PCDH15: variants seen among roughly 807,000 people sequenced by gnomAD.
PCDH15 encodes the protein protocadherin-15.
Under a neutral mutation model 178.5 loss-of-function variants are expected in PCDH15, and 129 were observed. The observed-to-expected ratio is 0.72, with a 90% CI of 0.63 to 0.84. The LOEUF is 0.84. Ranked by LOEUF, PCDH15 falls within the 40% of genes least tolerant of loss-of-function variation. The pLI is 0.00. For missense variants in PCDH15, 2,230 were observed against 2,099.9 expected (o/e 1.06, Z -1.21); for synonymous variants, 800 against 732.0 (o/e 1.09, Z -1.50).
chr10:54,929,470 G>T (rs1837713557), intron 2 of PCDH15, among the ~76,000 whole-genome samples: 2 of 152,104 alleles, frequency 1.3e-5, no homozygotes, highest in African/African-American at 2.4e-5. Context: ...GAGAGATTTT[G>T]GTATAGACAT....
intron 2 of PCDH15, among the ~76,000 whole-genome samples, chr10:54,937,102 C>T (rs903797778): frequency 1.3e-5 from 2 of 151,896 alleles, no homozygotes; most frequent in Non-Finnish European, 2.9e-5. Flanking sequence ...GAAAGATTTA[C>T]CCCATTGAAA....
intron 21 of PCDH15, among the ~76,000 whole-genome samples, chr10:53,985,683 C>T (rs1052006850): frequency 5.3e-5 from 8 of 152,062 alleles, no homozygotes; most frequent in African/African-American, 1.9e-4. Flanking sequence ...GGTCATGTTT[C>T]AGAGGCATAG....
chr10:54,770,333 A>T (rs1948956247), intron 1 of PCDH15, among the ~76,000 whole-genome samples: 1 of 152,132 alleles, frequency 6.6e-6, no homozygotes, highest in Non-Finnish European at 1.5e-5. Context: ...ATCAGATTAG[A>T]TTCAGAGCTC....
chr10:55,585,972 G>A (rs1296358318), intron 2 of PCDH15, among the ~76,000 whole-genome samples: 1 of 152,016 alleles, frequency 6.6e-6, no homozygotes, highest in Admixed American at 6.6e-5. Context: ...TGGTCTAAAT[G>A]TAAAAGACTC....
At chr10:54,357,746 C>T (rs928549322) in intron 5 of PCDH15, among the ~76,000 whole-genome samples, 1 of 152,152 alleles carries the variant, frequency 6.6e-6, no homozygotes, top group African/African-American at 2.4e-5. Context: ...AGGCATCACG[C>T]TACCTGACTT....
intron 16 of PCDH15, among the ~76,000 whole-genome samples, chr10:54,079,849 T>C (rs1246229290): frequency 2.0e-5 from 3 of 152,206 alleles, no homozygotes; most frequent in Non-Finnish European, 4.4e-5. Context: ...ATGTCCATTA[T>C]GAAAATGCAA....
chr10:55,025,093 G>C (rs555078642), intron 2 of PCDH15, among the ~76,000 whole-genome samples: 2 of 152,174 alleles, frequency 1.3e-5, no homozygotes, highest in South Asian at 4.1e-4. Flanking sequence ...ACCTTTTAAT[G>C]TCTCTTTTCA....
At chr10:54,788,432 A>G (rs1212870067) in intron 1 of PCDH15, among the ~76,000 whole-genome samples, 2 of 151,950 alleles carry the variant, frequency 1.3e-5, no homozygotes, top group Non-Finnish European at 2.9e-5. Context: ...TGGAGATGTC[A>G]GAGATACAAT....
At chr10:55,100,408 C>G (rs186261661) in intron 2 of PCDH15, among the ~76,000 whole-genome samples, 1 of 152,238 alleles carries the variant, frequency 6.6e-6, no homozygotes, top group East Asian at 1.9e-4. Flanking sequence ...ACTCTTGAAT[C>G]CACAGTGTCT....
At chr10:55,464,170 T>A (rs935123523) in intron 2 of PCDH15, among the ~76,000 whole-genome samples, 1 of 152,138 alleles carries the variant, frequency 6.6e-6, no homozygotes, top group African/African-American at 2.4e-5. Flanking sequence ...TAATCATCAT[T>A]GTTGCAATAT....
chr10:54,138,039 C>T (rs746319900), intron 14 of PCDH15, among the ~76,000 whole-genome samples: 2 of 152,156 alleles, frequency 1.3e-5, no homozygotes, highest in Non-Finnish European at 2.9e-5. Context: ...TGAAATTTGA[C>T]ATCTGCACCC....
chr10:55,545,121 C>T (rs1045962025), intron 2 of PCDH15, among the ~76,000 whole-genome samples: 2 of 152,190 alleles, frequency 1.3e-5, no homozygotes, highest in South Asian at 4.1e-4. Flanking sequence ...TCCAAGGAAT[C>T]AAATGAATCA....
chr10:54,914,011 T>C (rs1162795203), intron 2 of PCDH15, among the ~76,000 whole-genome samples: 4 of 152,198 alleles, frequency 2.6e-5, no homozygotes, highest in Non-Finnish European at 5.9e-5. Flanking sequence ...TATGAGACTT[T>C]AGACTGTGAA....
At chr10:54,780,776 T>C (rs1300929152) in intron 1 of PCDH15, among the ~76,000 whole-genome samples, 1 of 151,770 alleles carries the variant, frequency 6.6e-6, no homozygotes, top group Non-Finnish European at 1.5e-5. Context: ...ATAAATTATC[T>C]TTTAACGAAT....
intron 2 of PCDH15, among the ~76,000 whole-genome samples, chr10:55,557,854 G>A (rs1221554332): frequency 6.6e-6 from 1 of 152,152 alleles, no homozygotes; most frequent in African/African-American, 2.4e-5. Context: ...GTGGTAAAGA[G>A]TTTGGAGGTT....
At chr10:54,307,018 A>G (rs370070936) in intron 8 of PCDH15, among the ~76,000 whole-genome samples, 5,692 of 33,954 alleles carry the variant, frequency 0.17, 766 homozygotes, top group Middle Eastern at 0.27. Context: ...ATATATACAT[A>G]TATATATATA....
chr10:54,790,245 A>G (rs1951268523), intron 1 of PCDH15, among the ~76,000 whole-genome samples: 1 of 151,850 alleles, frequency 6.6e-6, no homozygotes, highest in African/African-American at 2.4e-5. Context: ...CATACACAGA[A>G]GATTTCCAAA....
intron 2 of PCDH15, among the ~76,000 whole-genome samples, chr10:54,614,102 GCATA>G (rs2093053670): frequency 6.6e-6 from 1 of 151,864 alleles, no homozygotes; most frequent in African/African-American, 2.4e-5. Context: ...ATGCATATGA[GCATA>G]TATATACACC....
intron 3 of PCDH15, among the ~76,000 whole-genome samples, chr10:54,887,134 T>C (rs936836219): frequency 2.0e-5 from 3 of 152,158 alleles, no homozygotes; most frequent in African/African-American, 7.2e-5. Context: ...AAGCAGAAAG[T>C]CAATTAGGGC....
Sources: allele counts gnomAD v4.1 joint callset (sites outside exome capture counted in the v4.1 genomes callset), GRCh38; gene constraint gnomAD v4.1.1; transcripts MANE v1.5; gene names NCBI Gene and HGNC (gene_info 2026-07-23, HGNC 2026-07-21).